UXS1: variants seen among roughly 807,000 people sequenced by gnomAD.
The protein encoded by UXS1 is UDP-glucuronic acid decarboxylase 1.
A neutral mutation model predicts 62.6 loss-of-function variants in UXS1; 33 were observed. That is an observed-to-expected ratio of 0.53 (90% CI 0.40 to 0.70). The LOEUF is 0.70. Among genes scored for constraint, UXS1 ranks in the 30% least tolerant of loss-of-function variants. UXS1 has a pLI of 0.00. For synonymous variants in UXS1, 213 were observed against 206.8 expected, an observed-to-expected ratio of 1.03 and a Z score of -0.26; for missense variants, 434 against 556.3, an observed-to-expected ratio of 0.78 and a Z score of 2.21.
intron 1 of UXS1, among the ~76,000 whole-genome samples, chr2:106,176,574 G>C (rs145391463): frequency 6.6e-6 from 1 of 152,332 alleles, no homozygotes; most frequent in South Asian, 2.1e-4. Flanking sequence ...GGCAGCTGCT[G>C]AACGGGAAGC....
chr2:106,145,462 G>A lies in UXS1; in HGVS notation c.292-92C>T, dbSNP rs1681489151. ...TCCACGGAGAGACATCTCTGGTGCAGCCACGACTTAAAACTCAGGAGCAAG... is the reference window on the plus strand; with the variant it reads ...TCCACGGAGAGACATCTCTGGTGCAACCACGACTTAAAACTCAGGAGCAAG... On this transcript the variant is annotated intron_variant, in intron 5 of 14. Coordinates refer to ENST00000283148, the MANE Select transcript of UXS1 (RefSeq NM_001253875.2). 8 of 1,444,208 alleles carry A rather than the reference G, an allele frequency of 5.5e-6. No homozygotes were observed. The South Asian group carries it at 1.0e-4, about 18-fold the overall frequency. 89.5% of individuals were successfully genotyped at this position (1,444,208 alleles called of 1,614,324 possible).
chr2:106,116,909 G>C (rs935130234), intron 9 of UXS1, among the ~76,000 whole-genome samples: 43 of 152,202 alleles, frequency 2.8e-4, no homozygotes, highest in African/African-American at 1.0e-3. Flanking sequence ...ACGACACATG[G>C]GTTCTCCCTC....
chr2:106,160,461 T>C (rs1682809337), intron 4 of UXS1: 1 of 152,214 alleles, frequency 6.6e-6, no homozygotes, highest in East Asian at 1.9e-4. Flanking sequence ...CTCTACCGTG[T>C]ATATGATTTT....
chr2:106,163,180 C>A (rs920208587), intron 4 of UXS1, among the ~76,000 whole-genome samples: 1 of 152,172 alleles, frequency 6.6e-6, no homozygotes, highest in African/African-American at 2.4e-5. Context: ...ATAAACATTT[C>A]TATCATATTA....
rs1305537478 is a variant in UXS1 at position 106,145,174 on chromosome 2, T to C, written c.472+16A>G. Reference sequence around the variant, plus strand: ...TGCGGAGCTCTGAATAATAACAATGTGCAGTTTTCACTCACCCTCGATGTA... The same window carrying C: ...TGCGGAGCTCTGAATAATAACAATGCGCAGTTTTCACTCACCCTCGATGTA... On this transcript the variant is annotated intron_variant, in intron 6 of 14. Coordinates refer to ENST00000283148, the MANE Select transcript of UXS1 (RefSeq NM_001253875.2). The C allele has an allele frequency of 1.2e-6, 2 of 1,609,976 alleles. No individual in the cohort carries two copies. Among genetic ancestry groups the C allele is most frequent in the African/African-American group, 2.7e-5 (2 of 74,866 alleles).
intron 1 of UXS1, among the ~76,000 whole-genome samples, chr2:106,180,474 A>G (rs1277690390): frequency 6.6e-6 from 1 of 152,230 alleles, no homozygotes; most frequent in Admixed American, 6.5e-5. Context: ...ACAGAGAGAA[A>G]GCTCTGCAAT....
intron 7 of UXS1, among the ~76,000 whole-genome samples, chr2:106,126,904 C>G (rs1435199100): frequency 3.3e-5 from 5 of 152,140 alleles, no homozygotes; most frequent in Non-Finnish European, 7.3e-5. Flanking sequence ...ACAGCCTCTC[C>G]TCGCTCCCTC....
At chr2:106,151,330 T>C (rs1682000135) in intron 5 of UXS1, among the ~76,000 whole-genome samples, 1 of 152,292 alleles carries the variant, frequency 6.6e-6, no homozygotes, top group Middle Eastern at 3.4e-3. Context: ...CCCAAAATCA[T>C]GTGCTGGAAA....
At chr2:106,121,357 C>T (rs922397875) in intron 9 of UXS1, among the ~76,000 whole-genome samples, 3 of 152,160 alleles carry the variant, frequency 2.0e-5, no homozygotes, top group African/African-American at 2.4e-5. Context: ...TTAATGAAAA[C>T]TAAAAGCTCA....
chr2:106,186,963 G>T (rs1168465276), intron 1 of UXS1, among the ~76,000 whole-genome samples: 1 of 151,952 alleles, frequency 6.6e-6, no homozygotes, highest in Non-Finnish European at 1.5e-5. Context: ...TTATATAGAA[G>T]AATACCTTTA....
chr2:106,115,516 G>A (rs1290843606), intron 9 of UXS1, among the ~76,000 whole-genome samples: 1 of 152,216 alleles, frequency 6.6e-6, no homozygotes, highest in East Asian at 1.9e-4. Context: ...GGTGGCCCAT[G>A]AGTCATGGAC....
At chr2:106,158,577 TATA>T (rs764303377) in intron 4 of UXS1, among the ~76,000 whole-genome samples, 10 of 152,312 alleles carry the variant, frequency 6.6e-5, no homozygotes, top group Non-Finnish European at 1.5e-4. Flanking sequence ...CAGAGGCCAA[TATA>T]ACTAGGAGAG....
chr2:106,100,811 T>A lies in UXS1; in HGVS notation c.984+247A>T, dbSNP rs1202112754. On this transcript the variant is annotated intron_variant, in intron 12 of 14. Transcript: ENST00000283148. ...ACCACCAAAAGGCTTCACACAATCTTAGACCCAGGCCCTTCAGAAGGTGGA... is the reference window on the plus strand; with the variant it reads ...ACCACCAAAAGGCTTCACACAATCTAAGACCCAGGCCCTTCAGAAGGTGGA... 9.8e-6 allele frequency: 5 copies of A among 508,368 alleles called. No homozygotes were observed. In the East Asian group the frequency reaches 1.7e-4, roughly 17 times the overall value. 31.5% of individuals were successfully genotyped at this position (508,368 alleles called of 1,614,324 possible). A position where few individuals can be genotyped will look rare whatever the true frequency, so the allele number is the denominator to read the frequency against.
intron 6 of UXS1, chr2:106,138,192 G>C: frequency 1.0e-6 from 1 of 985,432 alleles, no homozygotes; most frequent in South Asian, 4.7e-5. Flanking sequence ...CCTCCTCGTC[G>C]TCTGCTCCAG....
chr2:106,136,384 C>A (rs1680639334), intron 6 of UXS1, among the ~76,000 whole-genome samples: 1 of 148,922 alleles, frequency 6.7e-6, no homozygotes, highest in Non-Finnish European at 1.5e-5. Context: ...ACTAGAAACA[C>A]CATTTGACCC....
intron 6 of UXS1, among the ~76,000 whole-genome samples, chr2:106,130,862 AT>A (rs541975858): frequency 1.3e-5 from 2 of 151,878 alleles, no homozygotes; most frequent in Admixed American, 1.3e-4. Flanking sequence ...ATATATATAT[AT>A]TTTTTTTAAC....
At position 106,099,229 on chromosome 2, in the gene UXS1, G is replaced by T. The variant is rs7564049; in HGVS notation, c.985-456C>A. Among the ~76,000 whole-genome samples the T allele has an allele frequency of 1.1e-4, 16 of 152,182 alleles. No individual in the cohort carries two copies. In the East Asian group the frequency reaches 2.5e-3, roughly 24 times the overall value. ...CCAAAAGCTAAGGCAGAAATGAGTA[G>T]GCTCACAGGCGAGTGTCCCCGGCAA... On this transcript the variant is annotated intron_variant, in intron 12 of 14. Transcript: ENST00000283148.
At chr2:106,159,044 A>C (rs978639015) in intron 4 of UXS1, 1 of 152,152 alleles carries the variant, frequency 6.6e-6, no homozygotes, top group Admixed American at 6.6e-5. Flanking sequence ...CTACCCTTAA[A>C]AACTCAAGCC....
chr2:106,102,068 A>G (rs1425263846), intron 11 of UXS1: 2 of 152,206 alleles, frequency 1.3e-5, no homozygotes, highest in Non-Finnish European at 2.9e-5. Flanking sequence ...GAAAAAACCT[A>G]TTGGGGTATT....
Sources: allele counts gnomAD v4.1 joint callset (sites outside exome capture counted in the v4.1 genomes callset), GRCh38; gene constraint gnomAD v4.1.1; transcripts MANE v1.5; gene names NCBI Gene and HGNC (gene_info 2026-07-23, HGNC 2026-07-21).